Variants in FKBP5 observed in about 807,000 individuals in gnomAD.
FKBP5 encodes FKBP prolyl isomerase 5, also known as peptidyl-prolyl cis-trans isomerase FKBP5.
FKBP5 carries 23 observed loss-of-function variants against 50.5 expected under a neutral mutation model. That is an observed-to-expected ratio of 0.46 (90% CI 0.33 to 0.65). The LOEUF (loss-of-function observed/expected upper bound fraction) is 0.65. Ranked by LOEUF, FKBP5 falls within the 30% of genes least tolerant of loss-of-function variation. FKBP5 has a pLI of 0.02. For missense variants in FKBP5, 411 were observed against 553.1 expected, an observed-to-expected ratio of 0.74 and a Z score of 2.58; for synonymous variants, 176 against 190.6, an observed-to-expected ratio of 0.92 and a Z score of 0.63.
At chr6:35,626,850 T>C (rs1187206459) in intron 3 of FKBP5, among the ~76,000 whole-genome samples, 2 of 152,236 alleles carry the variant, frequency 1.3e-5, no homozygotes, top group South Asian at 2.1e-4. Context: ...TGTACGTTTA[T>C]ATCACATTTT....
At chr6:35,679,447 A>G (rs1313398724) in intron 1 of FKBP5, among the ~76,000 whole-genome samples, 1 of 152,250 alleles carries the variant, frequency 6.6e-6, no homozygotes, top group Non-Finnish European at 1.5e-5. Flanking sequence ...TGTTTATTAC[A>G]TGGAAGAAGT....
intron 5 of FKBP5, among the ~76,000 whole-genome samples, chr6:35,606,750 A>C (rs115216446): frequency 2.0e-5 from 3 of 149,736 alleles, no homozygotes; most frequent in Admixed American, 6.6e-5. Context: ...ATGCTTAAAC[A>C]GTGTTGATGA....
intron 2 of FKBP5, 95 bp downstream of exon 2, chr6:35,642,625 T>C (rs1281184787): frequency 3.4e-6 from 3 of 890,720 alleles, no homozygotes; most frequent in African/African-American, 1.7e-5. Flanking sequence ...TAACCATCAA[T>C]AAACATTATC....
At chr6:35,666,549 A>G (rs1765230487) in intron 1 of FKBP5, among the ~76,000 whole-genome samples, 1 of 152,064 alleles carries the variant, frequency 6.6e-6, no homozygotes, top group Non-Finnish European at 1.5e-5. Context: ...GAAGGGGAAA[A>G]AAAGCTATTT....
At chr6:35,643,156 A>C (rs759003307) in intron 1 of FKBP5, among the ~76,000 whole-genome samples, 2 of 152,174 alleles carry the variant, frequency 1.3e-5, no homozygotes, top group Non-Finnish European at 2.9e-5. Flanking sequence ...AACTTTGAAA[A>C]CATCCTTTTT....
chr6:35,685,517 A>C (rs1305465271), intron 1 of FKBP5, among the ~76,000 whole-genome samples: 1 of 152,246 alleles, frequency 6.6e-6, no homozygotes, highest in Non-Finnish European at 1.5e-5. Flanking sequence ...GTAAAGTTCA[A>C]ATAGTTTCAG....
chr6:35,579,203 G>A (rs575180960), intron 9 of FKBP5, among the ~76,000 whole-genome samples: 5 of 151,856 alleles, frequency 3.3e-5, no homozygotes, highest in Non-Finnish European at 7.4e-5. Flanking sequence ...TGAAAAAAAC[G>A]AAAAAATACA....
At position 35,575,665 on chromosome 6, in the gene FKBP5, G is replaced by C. The variant is rs181993475; in HGVS notation, c.*170C>G. ...CGTGCCACCCCTCAGTGAACCCTCC[G>C]GGCAGCAGCAGGGGGGCTGTTTTTG... On this transcript the variant is annotated 3_prime_UTR_variant, in exon 11 of 11. Coordinates refer to ENST00000357266, the MANE Select transcript of FKBP5 (RefSeq NM_004117.4). 12 of 614,304 alleles carry C rather than the reference G, an allele frequency of 2.0e-5. No homozygotes were observed. Among genetic ancestry groups the C allele is most frequent in the Non-Finnish European group, 3.5e-5 (12 of 342,366 alleles). The allele number at this position is 614,304 out of a possible 1,614,324, so 38.1% of individuals were successfully genotyped here.
chr6:35,611,065 T>C (rs1046252665), intron 5 of FKBP5, among the ~76,000 whole-genome samples: 1 of 152,040 alleles, frequency 6.6e-6, no homozygotes, highest in Non-Finnish European at 1.5e-5. Flanking sequence ...CCTAAGCCTG[T>C]TGAGAAGAAC....
At position 35,590,419 on chromosome 6, in the gene FKBP5, C is replaced by T. The variant is rs144592215; in HGVS notation, c.756+711G>A. On this transcript the variant is annotated intron_variant, in intron 7 of 10. Transcript: ENST00000357266. ...TGGGGCTTTGGAAATGCCAGGGGCA[C>T]GTGGCCGAAGACAACAGCATACCTA... is the stretch of plus-strand genomic sequence containing the variant. Among the ~76,000 whole-genome samples, 712 of 152,226 alleles carry T rather than the reference C, an allele frequency of 4.7e-3. 6 individuals carry two copies. The highest frequency in any genetic ancestry group is 0.015 in the African/African-American group (643 of 41,534).
intron 1 of FKBP5, among the ~76,000 whole-genome samples, chr6:35,676,095 G>GA (rs1473691106): frequency 6.6e-6 from 1 of 152,110 alleles, no homozygotes; most frequent in Admixed American, 6.5e-5. Context: ...AGCAAGAAGA[G>GA]AAAAAGAGGG....
intron 6 of FKBP5, among the ~76,000 whole-genome samples, chr6:35,593,043 G>A (rs1256883426): frequency 1.3e-5 from 2 of 152,176 alleles, no homozygotes; most frequent in African/African-American, 2.4e-5. Context: ...AAAATGAAGC[G>A]ATTCAGTCAA....
At chr6:35,656,834 T>C (rs1764962843) in intron 1 of FKBP5, among the ~76,000 whole-genome samples, 1 of 147,258 alleles carries the variant, frequency 6.8e-6, no homozygotes, top group African/African-American at 2.5e-5. Flanking sequence ...GAGGTGGAGG[T>C]TGCAGTGAGA....
At chr6:35,602,485 T>C (rs1314462474) in intron 5 of FKBP5, among the ~76,000 whole-genome samples, 2 of 152,084 alleles carry the variant, frequency 1.3e-5, no homozygotes, top group African/African-American at 4.8e-5. Flanking sequence ...AACCAGGTTG[T>C]GACAGGTTAC....
At chr6:35,668,975 G>A (rs537370050) in intron 1 of FKBP5, among the ~76,000 whole-genome samples, 1 of 152,156 alleles carries the variant, frequency 6.6e-6, no homozygotes, top group East Asian at 1.9e-4. Context: ...CCTGTAGGAA[G>A]TATTTTATAA....
At chr6:35,635,026 C>CAAAA (rs35794477) in intron 3 of FKBP5, among the ~76,000 whole-genome samples, 3 of 75,118 alleles carry the variant, frequency 4.0e-5, no homozygotes, top group Admixed American at 1.5e-4. Context: ...CCTGTCTCTA[C>CAAAA]AAAAAAAAAA....
upstream of FKBP5, among the ~76,000 whole-genome samples, chr6:35,689,382 A>G (rs1581888016): frequency 6.6e-6 from 1 of 152,094 alleles, no homozygotes. Context: ...AAGCAACCCC[A>G]TTAAGTCTAA....
chr6:35,698,557 G>C (rs190740806), intron 2 of FKBP5, among the ~76,000 whole-genome samples: 1 of 152,130 alleles, frequency 6.6e-6, no homozygotes, highest in African/African-American at 2.4e-5. Context: ...TGAGGCAGGA[G>C]AATCGCTTGA....
At chr6:35,584,405 G>C in intron 8 of FKBP5, 1 of 985,432 alleles carries the variant, frequency 1.0e-6, no homozygotes, top group Non-Finnish European at 1.2e-6. Context: ...CCAATATGCA[G>C]ATGGCATGAA....
Sources: allele counts gnomAD v4.1 joint callset (sites outside exome capture counted in the v4.1 genomes callset), GRCh38; gene constraint gnomAD v4.1.1; transcripts MANE v1.5; gene names NCBI Gene and HGNC (gene_info 2026-07-23, HGNC 2026-07-21).